E2F5: variants seen among roughly 807,000 people sequenced by gnomAD.
The protein encoded by E2F5 is E2F transcription factor 5.
A neutral mutation model predicts 39.1 loss-of-function variants in E2F5; 23 were observed. The observed-to-expected ratio is 0.59, with a 90% CI of 0.42 to 0.83. The LOEUF (loss-of-function observed/expected upper bound fraction) is 0.83. E2F5 is among the 40% of genes least tolerant of loss of function. The pLI is 0.00. For synonymous variants in E2F5, 145 were observed against 157.8 expected (o/e 0.92, Z 0.61); for missense variants, 365 against 406.7 (o/e 0.90, Z 0.88).
At chr8:85,206,363 T>G in intron 4 of E2F5, 143 bp downstream of exon 4, 1 of 750,360 alleles carries the variant, frequency 1.3e-6, no homozygotes, top group South Asian at 1.8e-5. Context: ...CGTGTATTGA[T>G]AGACTGCTTT....
intron 7 of E2F5, 48 bp downstream of exon 7, chr8:85,212,252 T>C (rs780010292): frequency 1.5e-6 from 2 of 1,327,168 alleles, no homozygotes; most frequent in South Asian, 2.5e-5. Context: ...AATGCTTCTG[T>C]GGAATTTATA....
chr8:85,206,162 C>A lies in E2F5; in HGVS notation c.507-15C>A. 4.3e-6 allele frequency: 7 copies of A among 1,612,096 alleles called. No homozygotes were observed. Among genetic ancestry groups the A allele is most frequent in the Non-Finnish European group, 5.9e-6 (7 of 1,178,918 alleles). On this transcript the variant is annotated splice_polypyrimidine_tract_variant and intron_variant, in intron 3 of 7. Transcript: ENST00000416274. ...GCTTGATATAAATGTCGTTCCTTAA[C>A]TCCTATGACAGTACATTTTCCTATG...
chr8:85,194,296 G>A (rs1035444695), intron 1 of E2F5, among the ~76,000 whole-genome samples: 1 of 152,042 alleles, frequency 6.6e-6, no homozygotes, highest in African/African-American at 2.4e-5. Context: ...CAGCTAACAT[G>A]AAAGTTAGGG....
At chr8:85,209,446 G>A (rs1812870361) in intron 6 of E2F5, 37 bp downstream of exon 6, 2 of 1,544,336 alleles carry the variant, frequency 1.3e-6, no homozygotes, top group South Asian at 1.2e-5. Context: ...ATTAGAGAGG[G>A]AGAAATATAA....
chr8:85,210,644 C>T (rs1423191012), intron 6 of E2F5, among the ~76,000 whole-genome samples: 4 of 151,312 alleles, frequency 2.6e-5, no homozygotes, highest in Non-Finnish European at 5.9e-5. Context: ...TCGCACCACT[C>T]CAGTCTGGGC....
chr8:85,211,238 A>G (rs1228046719), intron 6 of E2F5, among the ~76,000 whole-genome samples: 1 of 151,540 alleles, frequency 6.6e-6, no homozygotes, highest in African/African-American at 2.4e-5. Flanking sequence ...AAAAAAAAAA[A>G]AAAAATTAAA....
intron 1 of E2F5, among the ~76,000 whole-genome samples, chr8:85,188,179 CTT>C (rs1176319871): frequency 6.6e-6 from 1 of 152,098 alleles, no homozygotes; most frequent in African/African-American, 2.4e-5. Context: ...ATAGTTTTGT[CTT>C]TTAACTTTTA....
rs4150889 is a variant in E2F5, at chr8:85,190,303, T to C, written c.235-11844T>C. ...CACCACACATACACAAACACACAAC[T>C]GGCCACTTCTCCAAACCGTCTGGTC... On this transcript the variant is annotated intron_variant, in intron 1 of 7. Coordinates refer to ENST00000416274, the MANE Select transcript of E2F5 (RefSeq NM_001951.4). Among the ~76,000 whole-genome samples, 1,453 of 150,130 alleles carry C rather than the reference T, an allele frequency of 9.7e-3. 23 individuals are homozygous for C. The highest frequency in any genetic ancestry group is 0.033 in the African/African-American group (1,367 of 41,032).
At chr8:85,195,228 C>CAA (rs1554683223) in intron 1 of E2F5, among the ~76,000 whole-genome samples, 1 of 151,882 alleles carries the variant, frequency 6.6e-6, no homozygotes, top group Non-Finnish European at 1.5e-5. Flanking sequence ...ACTAAAAATA[C>CAA]AAAAATTAGC....
At chr8:85,189,456 A>G (rs1213999527) in intron 1 of E2F5, among the ~76,000 whole-genome samples, 1 of 152,056 alleles carries the variant, frequency 6.6e-6, no homozygotes, top group Non-Finnish European at 1.5e-5. Context: ...TGCAACCTCT[A>G]CCACCCAGGC....
At chr8:85,198,943 G>C (rs935177822) in intron 1 of E2F5, among the ~76,000 whole-genome samples, 1 of 152,124 alleles carries the variant, frequency 6.6e-6, no homozygotes, top group African/African-American at 2.4e-5. Flanking sequence ...GGTTCCTTCT[G>C]TAGTATACCT....
At position 85,207,419 on chromosome 8, in the gene E2F5, G is replaced by T; in HGVS notation, c.551-6G>T. Reference sequence around the variant, plus strand: ...TATGTAACTTTTTATATTTATTTTTGACCAGGTGATACACTTTTGGCCATT... The same window carrying T: ...TATGTAACTTTTTATATTTATTTTTTACCAGGTGATACACTTTTGGCCATT... On this transcript the variant is annotated splice_region_variant and splice_polypyrimidine_tract_variant and intron_variant, in intron 4 of 7. Transcript: ENST00000416274. 3 of 1,551,890 alleles carry T rather than the reference G, an allele frequency of 1.9e-6. No individual in the cohort carries two copies. Among genetic ancestry groups the T allele is most frequent in the South Asian group, 1.2e-5 (1 of 83,718 alleles).
At chr8:85,203,852 A>G (rs1812746045) in intron 3 of E2F5, among the ~76,000 whole-genome samples, 1 of 148,096 alleles carries the variant, frequency 6.8e-6, no homozygotes, top group Non-Finnish European at 1.5e-5. Flanking sequence ...ATATATTTAT[A>G]TATAATATAT....
intron 1 of E2F5, chr8:85,178,061 G>C (rs890080297): frequency 1.3e-5 from 2 of 152,852 alleles, no homozygotes; most frequent in East Asian, 3.8e-4. Context: ...CGATTTTGCT[G>C]TTAAGAATGG....
intron 1 of E2F5, among the ~76,000 whole-genome samples, chr8:85,183,141 A>G (rs1435510788): frequency 6.6e-6 from 1 of 152,126 alleles, no homozygotes; most frequent in Non-Finnish European, 1.5e-5. Context: ...AGTCCTAGCT[A>G]CTCAGGAGGC....
chr8:85,198,863 T>C (rs1377766724), intron 1 of E2F5, among the ~76,000 whole-genome samples: 1 of 152,204 alleles, frequency 6.6e-6, no homozygotes, highest in East Asian at 1.9e-4. Flanking sequence ...TCGTGTCCAG[T>C]GGTCTTGCTT....
chr8:85,194,688 C>A (rs1261067701), intron 1 of E2F5, among the ~76,000 whole-genome samples: 3 of 151,260 alleles, frequency 2.0e-5, no homozygotes, highest in Admixed American at 2.0e-4. Flanking sequence ...GCGCCTGCCA[C>A]CGCGCATGGC....
At chr8:85,179,665 T>C (rs2136036894) in intron 1 of E2F5, among the ~76,000 whole-genome samples, 1 of 152,024 alleles carries the variant, frequency 6.6e-6, no homozygotes, top group Middle Eastern at 3.4e-3. Context: ...AAAATCTTTT[T>C]TTTTTCTTTT....
At chr8:85,202,945 A>T in intron 2 of E2F5, 149 bp from the exon 3 acceptor site, 1 of 536,696 alleles carries the variant, frequency 1.9e-6, no homozygotes. Flanking sequence ...GGTGTTTAAA[A>T]TTTTTAAGGA....
Sources: gnomAD v4.1 joint callset for allele counts (sites outside exome capture counted in the v4.1 genomes callset) on GRCh38, gnomAD v4.1.1 for gene constraint, MANE v1.5 for transcripts, NCBI Gene and HGNC (gene_info 2026-07-23, HGNC 2026-07-21) for gene names.